The following HYOU1 variants were observed in gnomAD, a reference collection of about 807,000 sequenced individuals.
The protein encoded by HYOU1 is hypoxia up-regulated protein 1.
HYOU1 carries 40 observed loss-of-function variants against 120.5 expected under a neutral mutation model. The ratio of observed to expected loss-of-function variants is 0.33; its 90% confidence interval spans 0.26 to 0.43. The LOEUF (loss-of-function observed/expected upper bound fraction) is 0.43, where lower values mean the gene tolerates loss of function less well. Ranked by LOEUF, HYOU1 falls within the 20% of genes least tolerant of loss-of-function variation. The pLI is 1.00. For synonymous variants in HYOU1, 501 were observed against 479.4 expected (o/e 1.05, Z -0.59); for missense variants, 1,085 against 1,278.3 (o/e 0.85, Z 2.31).
rs1383228299 is a variant in HYOU1 at position 119,045,710 on chromosome 11, C to T, written c.2939-56G>A. The T allele has an allele frequency of 8.1e-6, 13 of 1,613,138 alleles. No homozygotes were observed. The Admixed American group carries it at 2.0e-4, about 25-fold the overall frequency. On this transcript the variant is annotated intron_variant, in intron 25 of 25. Coordinates refer to ENST00000617285, the MANE Select transcript of HYOU1 (RefSeq NM_006389.5). ...ACCGCAGGTGAAACAGAGGAACCAA[C>T]CCCAGTTCTTTGCAAAGGATTTCCT...
rs1944024619 is a variant in HYOU1, at chr11:119,045,765, C to G, written c.2938+16G>C. 1.9e-6 allele frequency: 3 copies of G among 1,613,206 alleles called. No homozygotes were observed. Among genetic ancestry groups the G allele is most frequent in the Non-Finnish European group, 2.5e-6 (3 of 1,179,792 alleles). The stretch of plus-strand genomic sequence containing the variant: ...CCCCACCAGGCTTCCCACCGTAGCC[C>G]CGGCTCCATCCTCACCTGCTCCAGG... On this transcript the variant is annotated intron_variant, in intron 25 of 25. Transcript: ENST00000617285.
chr11:119,049,092 C>G lies in HYOU1; in HGVS notation c.1918G>C (p.Glu640Gln). 6.2e-7 allele frequency: 1 copy of G among 1,614,116 alleles called. No individual in the cohort carries two copies. Among genetic ancestry groups the G allele is most frequent in the Non-Finnish European group, 8.5e-7 (1 of 1,179,992 alleles). The change falls in exon 17 of 26, where the codon GAA becomes CAA. Residue 640 changes from glutamate (E) to glutamine (Q), a missense_variant. Glu to Gln is a conservative substitution (Grantham distance 29). This residue lies in a region of HYOU1 where 516 missense variants were observed against 517.1 expected (regional missense o/e 1.00). Transcript: ENST00000617285. Reference protein sequence around the residue: ...VEDGSQPPPPEPKGDATPEGE... With the variant: ...VEDGSQPPPPQPKGDATPEGE... ...TCAGGGGTTGCATCTCCCTTAGGTT[C>G]AGGGGGTGGGGGCTGAGAGCCATCC... is the stretch of plus-strand genomic sequence containing the variant.
intron 24 of HYOU1, 47 bp from the exon 25 acceptor site, chr11:119,045,878 G>T: frequency 2.5e-6 from 4 of 1,591,776 alleles, no homozygotes; most frequent in Non-Finnish European, 3.4e-6. Flanking sequence ...GGAGGAAGAG[G>T]CTAAGGGAAG....
At chr11:119,054,260 T>G in intron 7 of HYOU1, 24 bp from the exon 8 acceptor site, 1 of 1,580,390 alleles carries the variant, frequency 6.3e-7, no homozygotes, top group Admixed American at 1.7e-5. Flanking sequence ...AAGGCAACTG[T>G]CACAGGAACC....
At chr11:119,049,441 G>A (rs901982954) in intron 16 of HYOU1, 115 bp downstream of exon 16, 14 of 1,565,132 alleles carry the variant, frequency 8.9e-6, no homozygotes, top group Admixed American at 3.4e-5. Context: ...ATCCTGGGGA[G>A]TGAATGGTTA....
Position 119,055,268 on chromosome 11 carries a change from A to C in HYOU1, c.336T>G (p.His112Gln), listed in dbSNP as rs781865100. Reference protein sequence around the residue: ...HLLGKQADNPHVALYQARFPE... With the variant: ...HLLGKQADNPQVALYQARFPE... The stretch of plus-strand genomic sequence containing the variant: ...GGAAGCGGGCCTGGTAAAGAGCTAC[A>C]TGGGGGTTATCTGCCTGCTTCCCCA... The change falls in exon 5 of 26, where the codon CAT (histidine) becomes CAG (glutamine). Residue 112 changes from histidine (H) to glutamine (Q), a missense_variant. Coordinates refer to ENST00000617285, the MANE Select transcript of HYOU1 (RefSeq NM_006389.5). This position sits in a 1 kb window ranked among gnomAD's most constrained non-coding sequence, Gnocchi z 4.0. 3 of 1,614,142 alleles carry C rather than the reference A, an allele frequency of 1.9e-6. No individual in the cohort carries two copies. The highest frequency in any genetic ancestry group is 1.7e-5 in the Admixed American group (1 of 60,010).
In HYOU1 at chr11:119,052,586, C is replaced by A; in HGVS notation, c.987+51G>T. 1 of 1,578,404 alleles carries A rather than the reference C, an allele frequency of 6.3e-7. No individual in the cohort carries two copies. Among genetic ancestry groups the A allele is most frequent in the Non-Finnish European group, 8.6e-7 (1 of 1,158,650 alleles). The stretch of plus-strand genomic sequence containing the variant: ...CAGCCCAGTTCAGTGGCAGGGTCCC[C>A]CACCCTCTACGTGGGACAAAATATA... On this transcript the variant is annotated intron_variant, in intron 9 of 25. Transcript: ENST00000617285. This position sits in a 1 kb window ranked among gnomAD's most constrained non-coding sequence, Gnocchi z 5.0.
At position 119,045,617 on chromosome 11, in the gene HYOU1, C is replaced by T; in HGVS notation, c.2976G>A (p.Arg992=). ...EQKEQSTGQK[R]PLKNDEL The stretch of plus-strand genomic sequence containing the variant: ...GTTATAGTTCGTCGTTCTTCAAAGG[C>T]CGCTTCTGTCCTGTCGATTGTTCTT... Residue 992 remains arginine, a synonymous_variant, in exon 26 of 26, where the codon CGG becomes CGA. Transcript: ENST00000617285. 6.2e-7 allele frequency: 1 copy of T among 1,614,218 alleles called. No individual in the cohort carries two copies. The highest frequency in any genetic ancestry group is 8.5e-7 in the Non-Finnish European group (1 of 1,180,032).
rs2133587850 is a variant in HYOU1, at chr11:119,051,794, C to T, written c.1338+25G>A. 1 of 1,613,418 alleles carries T rather than the reference C, an allele frequency of 6.2e-7. No homozygotes were observed. The highest frequency in any genetic ancestry group is 8.5e-7 in the Non-Finnish European group (1 of 1,179,412). ...CTTGGGAGAGGTAAAGGGAGCTTGT[C>T]ACCTGCTCAGTCAGGCTCACTCACC... On this transcript the variant is annotated intron_variant, in intron 12 of 25. Transcript: ENST00000617285. The surrounding 1 kb of genome is among the most constrained non-coding windows in gnomAD (Gnocchi z 4.2).
rs114743931 is a variant in HYOU1, at chr11:119,051,400, C to A, written c.1526+38G>T. ...AGATTATCCAGCAGCCACGCCTCCC[C>A]CTCCCTGGAGCTCCCATCCTACACC... On this transcript the variant is annotated intron_variant, in intron 13 of 25. Coordinates refer to ENST00000617285, the MANE Select transcript of HYOU1 (RefSeq NM_006389.5). This position sits in a 1 kb window ranked among gnomAD's most constrained non-coding sequence, Gnocchi z 4.2. 3.5e-3 allele frequency: 5,541 copies of A among 1,604,658 alleles called. 172 individuals carry two copies. The African/African-American group carries it at 0.065, about 19-fold the overall frequency.
rs2133591284 is a variant in HYOU1 at position 119,052,217 on chromosome 11, C to T, written c.1123-45G>A. 2.5e-6 allele frequency: 4 copies of T among 1,613,818 alleles called. No homozygotes were observed. The highest frequency in any genetic ancestry group is 2.5e-6 in the Non-Finnish European group (3 of 1,179,806). On this transcript the variant is annotated intron_variant, in intron 10 of 25. Transcript: ENST00000617285. This position sits in a 1 kb window ranked among gnomAD's most constrained non-coding sequence, Gnocchi z 5.0. ...CAGGTGCAACAGCATGCAGTTAGCA[C>T]TGACTCGTCCCTTGACGTCCCATGG...
rs2133595754 is a variant in HYOU1 at position 119,052,786 on chromosome 11, G to T, written c.838C>A (p.Arg280=). Residue 280 remains arginine (R), a synonymous_variant, in exon 9 of 26, where the codon CGA becomes AGA. Transcript: ENST00000617285. This position sits in a 1 kb window ranked among gnomAD's most constrained non-coding sequence, Gnocchi z 5.0. The part of the protein sequence containing the change: ...LGGLEMELRL[R]ERLAGLFNEQ... ...TTGAAAAGCCCAGCCAGGCGTTCTC[G>T]AAGCCGGAGCTCCATCTCCAGGCCC... The T allele has an allele frequency of 6.2e-7, 1 of 1,614,166 alleles. No homozygotes were observed. The highest frequency in any genetic ancestry group is 1.1e-5 in the South Asian group (1 of 91,074).
At position 119,054,163 on chromosome 11, in the gene HYOU1, T is replaced by C; in HGVS notation, c.752A>G (p.Lys251Arg). The C allele has an allele frequency of 1.9e-6, 3 of 1,614,086 alleles. No individual in the cohort carries two copies. Among genetic ancestry groups the C allele is most frequent in the Non-Finnish European group, 2.5e-6 (3 of 1,179,910 alleles). The change falls in exon 8 of 26, where the codon AAG becomes AGG. Residue 251 changes from lysine to arginine, a missense_variant. This residue lies in a region of HYOU1 where 515 missense variants were observed against 677.8 expected (regional missense o/e 0.76). Coordinates refer to ENST00000617285, the MANE Select transcript of HYOU1 (RefSeq NM_006389.5). The stretch of plus-strand genomic sequence containing the variant: ...CAGCTGTGGCTGCATCCCAGCTTCC[T>C]TAGTCTTCACCATCTGGTAGGTCAC... ...TIVTYQMVKT[K>R]EAGMQPQLQI...
At chr11:119,046,896 C>A in intron 22 of HYOU1, 94 bp from the exon 23 acceptor site, 2 of 1,497,524 alleles carry the variant, frequency 1.3e-6, no homozygotes. Flanking sequence ...AGCCTCTTCC[C>A]TCAGACTGCA....
In HYOU1 at chr11:119,055,950, G is replaced by C. The variant is rs550337199; in HGVS notation, c.92-107C>G. ...CCATGGGTAAACGAAGATGGCAAAAGACAAAAAGGCCTGGACCTAACAACT... is the reference window on the plus strand; with the variant it reads ...CCATGGGTAAACGAAGATGGCAAAACACAAAAAGGCCTGGACCTAACAACT... On this transcript the variant is annotated intron_variant, in intron 2 of 25. Transcript: ENST00000617285. The surrounding 1 kb of genome is among the most constrained non-coding windows in gnomAD (Gnocchi z 4.0). 2.9e-6 allele frequency: 4 copies of C among 1,369,610 alleles called. No individual in the cohort carries two copies. The African/African-American group carries it at 4.3e-5, about 15-fold the overall frequency. 84.8% of individuals were successfully genotyped at this position (1,369,610 alleles called of 1,614,324 possible). A position where few individuals can be genotyped will look rare whatever the true frequency, so the allele number is the denominator to read the frequency against.
chr11:119,052,069 C>T lies in HYOU1; in HGVS notation c.1205+21G>A, dbSNP rs2133589894. 6.8e-6 allele frequency: 11 copies of T among 1,614,034 alleles called. No homozygotes were observed. The highest frequency in any genetic ancestry group is 2.2e-5 in the South Asian group (2 of 91,082). ...CTGCCCCAGGCAGAACTCAGCCAAG[C>T]GCTCTAGCCCCCACACTCACTTGCC... On this transcript the variant is annotated intron_variant, in intron 11 of 25. Coordinates refer to ENST00000617285, the MANE Select transcript of HYOU1 (RefSeq NM_006389.5). This position sits in a 1 kb window ranked among gnomAD's most constrained non-coding sequence, Gnocchi z 5.0.
Position 119,051,995 on chromosome 11 carries a change from C to T in HYOU1, c.1206-44G>A. The T allele has an allele frequency of 6.2e-7, 1 of 1,613,278 alleles. No individual in the cohort carries two copies. The highest frequency in any genetic ancestry group is 8.5e-7 in the Non-Finnish European group (1 of 1,179,316). The stretch of plus-strand genomic sequence containing the variant: ...TCAGCACGGTCTACCCTGGAGCATG[C>T]AACCGGGACTTCCCTCCCCTCAGCC... On this transcript the variant is annotated intron_variant, in intron 11 of 25. Coordinates refer to ENST00000617285, the MANE Select transcript of HYOU1 (RefSeq NM_006389.5). The surrounding 1 kb of genome is among the most constrained non-coding windows in gnomAD (Gnocchi z 4.2).
chr11:119,047,222 TA>T (rs2133555715), intron 22 of HYOU1: 8 of 191,998 alleles, frequency 4.2e-5, no homozygotes, highest in African/African-American at 1.9e-4. Context: ...CTAATTTCTG[TA>T]TATTTAGTAG....
At position 119,047,989 on chromosome 11, in the gene HYOU1, G is replaced by A; in HGVS notation, c.2468C>T (p.Ser823Phe). The change falls in exon 21 of 26, where the codon TCT (serine) becomes TTT (phenylalanine). Residue 823 changes from serine to phenylalanine, a missense_variant. Ser to Phe is a radical substitution (Grantham distance 155, BLOSUM62 -2). Transcript: ENST00000617285. ...ATGGTTGAGGAGATTATCGAGGGCA[G>A]ACAGCCGTTCGGGCCACTTCTTGCG... The part of the protein sequence containing the change: ...EERKKWPERL[S>F]ALDNLLNHSS... 2 of 1,614,212 alleles carry A rather than the reference G, an allele frequency of 1.2e-6. No homozygotes were observed. The highest frequency in any genetic ancestry group is 1.7e-6 in the Non-Finnish European group (2 of 1,180,034).
Sources: gnomAD v4.1 joint callset for allele counts on GRCh38, gnomAD v4.1.1 for gene constraint, gnomAD v4.1.1 regional missense constraint, Gnocchi (gnomAD v3.1) non-coding constraint, MANE v1.5 for transcripts, NCBI Gene and HGNC (gene_info 2026-07-23, HGNC 2026-07-21) for gene names.